GNAQ: variants seen among roughly 807,000 people sequenced by gnomAD.
GNAQ encodes the protein guanine nucleotide-binding protein G(q) subunit alpha.
GNAQ carries 8 observed loss-of-function variants against 43.9 expected under a neutral mutation model. That is an observed-to-expected ratio of 0.18 (90% CI 0.11 to 0.33). GNAQ has a LOEUF of 0.33. Ranked by LOEUF, GNAQ falls within the 10% of genes least tolerant of loss-of-function variation. The pLI, the probability that GNAQ is intolerant of heterozygous loss-of-function variation, is 1.00. For missense variants in GNAQ, 158 were observed against 450.8 expected (o/e 0.35, Z 5.88); for synonymous variants, 155 against 170.7 (o/e 0.91, Z 0.71).
intron 2 of GNAQ, among the ~76,000 whole-genome samples, chr9:77,822,807 G>A (rs1281343743): frequency 6.6e-6 from 1 of 151,992 alleles, no homozygotes; most frequent in Non-Finnish European, 1.5e-5. Context: ...AAGGAATAGA[G>A]CTTTTAGAAT....
chr9:77,847,875 G>A (rs1240384852), intron 2 of GNAQ, among the ~76,000 whole-genome samples: 1 of 152,194 alleles, frequency 6.6e-6, no homozygotes, highest in Non-Finnish European at 1.5e-5. Flanking sequence ...TAATCTGCCT[G>A]CCCATGGGGC....
At chr9:77,846,869 T>C (rs1827593861) in intron 2 of GNAQ, among the ~76,000 whole-genome samples, 1 of 152,190 alleles carries the variant, frequency 6.6e-6, no homozygotes, top group Non-Finnish European at 1.5e-5. Flanking sequence ...AATATGATTA[T>C]CTCACATTAC....
Position 77,920,882 on chromosome 9 carries a change from T to G in GNAQ, c.321+1279A>C, listed in dbSNP as rs1655152893. Among the ~76,000 whole-genome samples the G allele has an allele frequency of 2.0e-5, 3 of 152,356 alleles. No individual in the cohort carries two copies. In the South Asian group the frequency reaches 6.2e-4, roughly 32 times the overall value. ...GATTTTAAGATGATTTGGTATTTTA[T>G]TATAGAAGCCTTGGGATGGTAACAG... is the stretch of plus-strand genomic sequence containing the variant. On this transcript the variant is annotated intron_variant, in intron 2 of 6. Coordinates refer to ENST00000286548, the MANE Select transcript of GNAQ (RefSeq NM_002072.5).
intron 1 of GNAQ, among the ~76,000 whole-genome samples, chr9:77,967,989 A>G (rs909988359): frequency 2.6e-5 from 4 of 152,166 alleles, no homozygotes; most frequent in African/African-American, 9.7e-5. Flanking sequence ...TAAAAAAAAT[A>G]ATAATAAACA....
intron 2 of GNAQ, among the ~76,000 whole-genome samples, chr9:77,899,574 GACT>G (rs1397619950): frequency 6.6e-6 from 1 of 151,818 alleles, no homozygotes; most frequent in South Asian, 2.1e-4. Context: ...TCAAAAAATG[GACT>G]ACATGACTAG....
At chr9:77,833,390 G>A (rs1382239358) in intron 2 of GNAQ, among the ~76,000 whole-genome samples, 2 of 152,248 alleles carry the variant, frequency 1.3e-5, no homozygotes, top group African/African-American at 4.8e-5. Context: ...GAATGCCTGT[G>A]TTTCAGGTAC....
At chr9:77,903,025 A>T (rs895261753) in intron 2 of GNAQ, among the ~76,000 whole-genome samples, 1 of 152,108 alleles carries the variant, frequency 6.6e-6, no homozygotes, top group African/African-American at 2.4e-5. Flanking sequence ...AGCAGGTGTC[A>T]ATGGTCTGTT....
intron 2 of GNAQ, among the ~76,000 whole-genome samples, chr9:77,913,990 C>T (rs1478523424): frequency 6.6e-6 from 1 of 152,134 alleles, no homozygotes. Flanking sequence ...TGAAAATGAA[C>T]TTAGATGTAC....
At chr9:77,906,580 A>G (rs922418871) in intron 2 of GNAQ, among the ~76,000 whole-genome samples, 1 of 152,238 alleles carries the variant, frequency 6.6e-6, no homozygotes, top group African/African-American at 2.4e-5. Context: ...ATTAAAAAAA[A>G]TCACTATTTT....
chr9:77,938,589 T>C (rs376546772), intron 1 of GNAQ, among the ~76,000 whole-genome samples: 15 of 152,146 alleles, frequency 9.9e-5, no homozygotes, highest in Admixed American at 2.6e-4. Context: ...ATTGAAAAGA[T>C]AGAACAGGCA....
intron 1 of GNAQ, among the ~76,000 whole-genome samples, chr9:77,961,550 G>A (rs986461765): frequency 6.6e-6 from 1 of 152,130 alleles, no homozygotes; most frequent in Non-Finnish European, 1.5e-5. Context: ...AATTCCCAAG[G>A]TTCACACAGG....
At chr9:77,893,276 G>A (rs969192470) in intron 2 of GNAQ, among the ~76,000 whole-genome samples, 6 of 152,164 alleles carry the variant, frequency 3.9e-5, no homozygotes, top group Non-Finnish European at 5.9e-5. Flanking sequence ...CCAAAACTAA[G>A]ATGTCCGTGA....
chr9:77,817,767 C>A (rs946432753), intron 2 of GNAQ, among the ~76,000 whole-genome samples: 3 of 152,096 alleles, frequency 2.0e-5, no homozygotes, highest in Non-Finnish European at 4.4e-5. Context: ...GAACAGAATG[C>A]AGTTACATAC....
chr9:77,831,007 A>C (rs1205292071), intron 2 of GNAQ, among the ~76,000 whole-genome samples: 1 of 152,240 alleles, frequency 6.6e-6, no homozygotes, highest in Non-Finnish European at 1.5e-5. Context: ...GAAGATGGAC[A>C]CTTACTAGCA....
intron 1 of GNAQ, among the ~76,000 whole-genome samples, chr9:78,024,156 T>G (rs1298576368): frequency 1.3e-5 from 2 of 152,332 alleles, no homozygotes; most frequent in East Asian, 3.9e-4. Context: ...GATCAATTGC[T>G]ATTGGCTTTT....
At chr9:77,882,000 T>C (rs1383089758) in intron 2 of GNAQ, among the ~76,000 whole-genome samples, 1 of 152,088 alleles carries the variant, frequency 6.6e-6, no homozygotes, top group African/African-American at 2.4e-5. Flanking sequence ...CAGCTGGGCA[T>C]GGTGGCGGGC....
chr9:77,812,916 T>C (rs1036967119), intron 3 of GNAQ, among the ~76,000 whole-genome samples: 1 of 151,868 alleles, frequency 6.6e-6, no homozygotes, highest in Non-Finnish European at 1.5e-5. Flanking sequence ...TTTTATTTTT[T>C]TTTGGAGATG....
At chr9:77,759,906 CTTTT>C (rs149034604) in intron 5 of GNAQ, among the ~76,000 whole-genome samples, 13 of 149,884 alleles carry the variant, frequency 8.7e-5, no homozygotes, top group African/African-American at 1.2e-4. Context: ...TTCTTTCTTT[CTTTT>C]TTTTCTTTTC....
At chr9:77,907,828 T>C (rs761153632) in intron 2 of GNAQ, among the ~76,000 whole-genome samples, 5 of 152,210 alleles carry the variant, frequency 3.3e-5, no homozygotes, top group Non-Finnish European at 5.9e-5. Flanking sequence ...GCAGTAACTT[T>C]AGCTGGCTGA....
Sources: allele counts gnomAD v4.1 joint callset (sites outside exome capture counted in the v4.1 genomes callset), GRCh38; gene constraint gnomAD v4.1.1; transcripts MANE v1.5; gene names NCBI Gene and HGNC (gene_info 2026-07-23, HGNC 2026-07-21).